TAFA1: variants seen among roughly 807,000 people sequenced by gnomAD.
The protein encoded by TAFA1 is chemokine-like protein TAFA-1.
TAFA1 carries 4 observed loss-of-function variants against 18.5 expected under a neutral mutation model. That is an observed-to-expected ratio of 0.22 (90% CI 0.11 to 0.49). The LOEUF (loss-of-function observed/expected upper bound fraction) is 0.49. Ranked by LOEUF, TAFA1 falls within the 20% of genes least tolerant of loss-of-function variation. The pLI is 0.98. For missense variants in TAFA1, 147 were observed against 169.0 expected (o/e 0.87, Z 0.72); for synonymous variants, 56 against 55.2 (o/e 1.01, Z -0.06).
Position 68,544,568 on chromosome 3 carries a change from C to G in TAFA1, c.*65C>G. The G allele has an allele frequency of 6.6e-7, 1 of 1,515,174 alleles. No homozygotes were observed. The allele number at this position is 1,515,174 out of a possible 1,614,324, so 93.9% of individuals were successfully genotyped here. ...GAAAATACATTTTGAGAATCTCAAACATCTCACATATATACAAGCCAAATG... is the reference window on the plus strand; with the variant it reads ...GAAAATACATTTTGAGAATCTCAAAGATCTCACATATATACAAGCCAAATG... On this transcript the variant is annotated 3_prime_UTR_variant, in exon 5 of 5. Transcript: ENST00000478136.
chr3:68,090,957 A>G lies in TAFA1; in HGVS notation c.118+84213A>G, dbSNP rs575840456. On this transcript the variant is annotated intron_variant, in intron 2 of 4. Coordinates refer to ENST00000478136, the MANE Select transcript of TAFA1 (RefSeq NM_213609.4). ...TGTTCAGACACATGGGAAAAATAAT[A>G]TTTTTTAAAACAATCCAATCTGAGC... Among the ~76,000 whole-genome samples the G allele has an allele frequency of 2.0e-5, 3 of 152,294 alleles. No homozygotes were observed. The East Asian group carries it at 5.8e-4, about 29-fold the overall frequency.
intron 3 of TAFA1, among the ~76,000 whole-genome samples, chr3:68,508,474 T>C (rs1324563719): frequency 6.9e-6 from 1 of 144,524 alleles, no homozygotes; most frequent in Non-Finnish European, 1.6e-5. Context: ...CTCTATGCTG[T>C]GGATACTGTT....
At chr3:68,045,857 G>T (rs1298855833) in intron 2 of TAFA1, among the ~76,000 whole-genome samples, 3 of 152,094 alleles carry the variant, frequency 2.0e-5, no homozygotes, top group Non-Finnish European at 4.4e-5. Context: ...ACATTCTTAG[G>T]CTGAGGACAC....
At chr3:68,257,574 T>C (rs6764336) in intron 2 of TAFA1, among the ~76,000 whole-genome samples, 101,221 of 151,912 alleles carry the variant, frequency 0.67, 34,915 homozygotes, top group East Asian at 0.98. Context: ...TGCATAATAC[T>C]CATGATTTTA....
intron 3 of TAFA1, among the ~76,000 whole-genome samples, chr3:68,523,266 C>T (rs1001413110): frequency 2.0e-5 from 3 of 152,156 alleles, no homozygotes; most frequent in African/African-American, 7.2e-5. Flanking sequence ...GCTAGTCTTC[C>T]TATTTTTCCC....
chr3:68,338,898 T>C (rs1306218269), intron 2 of TAFA1, among the ~76,000 whole-genome samples: 2 of 152,128 alleles, frequency 1.3e-5, no homozygotes, highest in Non-Finnish European at 2.9e-5. Context: ...GTGCTGTAGA[T>C]TGGATTCAAG....
intron 2 of TAFA1, among the ~76,000 whole-genome samples, chr3:68,301,569 GC>G (rs2068303519): frequency 6.6e-6 from 1 of 152,134 alleles, no homozygotes; most frequent in Non-Finnish European, 1.5e-5. Flanking sequence ...GAGTAAAGTG[GC>G]CCCCTGTCTG....
intron 2 of TAFA1, among the ~76,000 whole-genome samples, chr3:68,328,641 A>G (rs924297127): frequency 2.0e-5 from 3 of 152,148 alleles, no homozygotes; most frequent in Non-Finnish European, 4.4e-5. Context: ...TTACCTATTC[A>G]TTTTTATTAT....
At chr3:68,053,186 T>C (rs549455346) in intron 2 of TAFA1, among the ~76,000 whole-genome samples, 1 of 151,956 alleles carries the variant, frequency 6.6e-6, no homozygotes, top group Non-Finnish European at 1.5e-5. Flanking sequence ...AATTTTCAAA[T>C]ATGAACATTG....
chr3:68,334,833 C>T (rs1275589264), intron 2 of TAFA1, among the ~76,000 whole-genome samples: 1 of 152,086 alleles, frequency 6.6e-6, no homozygotes, highest in African/African-American at 2.4e-5. Flanking sequence ...GTTGTATCTT[C>T]TGAGGGATAG....
intron 2 of TAFA1, among the ~76,000 whole-genome samples, chr3:68,136,574 C>A (rs937697969): frequency 6.6e-5 from 10 of 152,138 alleles, no homozygotes; most frequent in African/African-American, 2.2e-4. Context: ...CCATGGCAAC[C>A]CCAACCCCTT....
chr3:68,057,609 C>T (rs992312226), intron 2 of TAFA1, among the ~76,000 whole-genome samples: 2 of 152,218 alleles, frequency 1.3e-5, no homozygotes, highest in African/African-American at 4.8e-5. Context: ...TCCCAATCCA[C>T]AGAACCTGTG....
intron 2 of TAFA1, among the ~76,000 whole-genome samples, chr3:68,327,206 A>G (rs2068790478): frequency 6.6e-6 from 1 of 152,194 alleles, no homozygotes; most frequent in Admixed American, 6.5e-5. Flanking sequence ...CTGTGAGTTC[A>G]TTAAACCTCT....
At chr3:68,383,175 A>C (rs262186) in intron 2 of TAFA1, among the ~76,000 whole-genome samples, 78,331 of 151,772 alleles carry the variant, frequency 0.52, 20,702 homozygotes, top group East Asian at 0.77. Context: ...TACTCTCTTT[A>C]TTTCTTTCTG....
chr3:68,230,996 T>C (rs2066864040), intron 2 of TAFA1, among the ~76,000 whole-genome samples: 1 of 152,244 alleles, frequency 6.6e-6, no homozygotes, highest in Non-Finnish European at 1.5e-5. Context: ...AATCATTATT[T>C]ACTGAGTGCC....
chr3:68,287,004 G>A (rs1321930481), intron 2 of TAFA1, among the ~76,000 whole-genome samples: 2 of 152,240 alleles, frequency 1.3e-5, no homozygotes, highest in Non-Finnish European at 2.9e-5. Context: ...TGGGGCCCCC[G>A]CAGTCAGCCA....
Position 68,229,225 on chromosome 3 carries a change from G to A in TAFA1, c.119-188055G>A, listed in dbSNP as rs78448138. Among the ~76,000 whole-genome samples the A allele has an allele frequency of 5.3e-3, 803 of 152,278 alleles. 6 individuals carry two copies. The highest frequency in any genetic ancestry group is 0.018 in the African/African-American group (743 of 41,550). On this transcript the variant is annotated intron_variant, in intron 2 of 4. Transcript: ENST00000478136. The stretch of plus-strand genomic sequence containing the variant: ...TCCTCACTGATTTTCTTCATTGGCA[G>A]TCAAGCAGATAACTAAGATCTGCTA...
chr3:68,291,189 A>C (rs1342326860), intron 2 of TAFA1, among the ~76,000 whole-genome samples: 4 of 152,264 alleles, frequency 2.6e-5, no homozygotes, highest in Admixed American at 2.6e-4. Context: ...AATCGAAATA[A>C]CTTCAGCTCA....
At chr3:68,527,785 T>C (rs1189605916) in intron 3 of TAFA1, among the ~76,000 whole-genome samples, 1 of 152,134 alleles carries the variant, frequency 6.6e-6, no homozygotes. Context: ...GAATAAAAAA[T>C]AACTTTTGTC....
Sources: allele counts gnomAD v4.1 joint callset (sites outside exome capture counted in the v4.1 genomes callset), GRCh38; gene constraint gnomAD v4.1.1; transcripts MANE v1.5; gene names NCBI Gene and HGNC (gene_info 2026-07-23, HGNC 2026-07-21).